Variants in NFKB1 observed in about 807,000 individuals in gnomAD.
NFKB1 encodes the protein nuclear factor kappa B subunit 1, also known as nuclear factor NF-kappa-B p105 subunit.
A neutral mutation model predicts 105.1 loss-of-function variants in NFKB1; 9 were observed. The ratio of observed to expected loss-of-function variants is 0.09; its 90% confidence interval spans 0.05 to 0.15. NFKB1 has a LOEUF of 0.15. Among genes scored for constraint, NFKB1 ranks in the 10% least tolerant of loss-of-function variants. NFKB1 has a pLI of 1.00. For missense variants in NFKB1, 830 were observed against 1,203.7 expected (o/e 0.69, Z 4.59); for synonymous variants, 440 against 442.2 (o/e 1.00, Z 0.06).
At chr4:102,506,120 G>A (rs751034234) in intron 1 of NFKB1, among the ~76,000 whole-genome samples, 22 of 152,096 alleles carry the variant, frequency 1.4e-4, no homozygotes, top group Non-Finnish European at 2.5e-4. Context: ...ATGCCTTTTA[G>A]TTTCAAAGTT....
chr4:102,516,486 C>A (rs865964576), intron 1 of NFKB1, among the ~76,000 whole-genome samples: 1 of 151,712 alleles, frequency 6.6e-6, no homozygotes, highest in Non-Finnish European at 1.5e-5. Flanking sequence ...TTTTTATTGA[C>A]CTTTCTTCTA....
At chr4:102,576,779 T>C in intron 6 of NFKB1, 97 bp from the exon 7 acceptor site, 9 of 1,249,704 alleles carry the variant, frequency 7.2e-6, no homozygotes, top group Non-Finnish European at 1.0e-5. Flanking sequence ...AGGGCCTGTG[T>C]ATTTTTTTTT....
At chr4:102,517,604 G>T (rs958889486) in intron 1 of NFKB1, among the ~76,000 whole-genome samples, 1 of 152,166 alleles carries the variant, frequency 6.6e-6, no homozygotes, top group Non-Finnish European at 1.5e-5. Flanking sequence ...GTAAAACTAT[G>T]CTGTCTAGTG....
rs372174091 is a variant in NFKB1 at position 102,609,158 on chromosome 4, C to CAAAAAAAAAAAAAAGAAAA, written c.2228-1405_2228-1404insAAGAAAAAAAAAAAAAAAA. Among the ~76,000 whole-genome samples the CAAAAAAAAAAAAAAGAAAA allele has an allele frequency of 1.6e-3, 159 of 97,302 alleles. 1 individual carries two copies. Among genetic ancestry groups the CAAAAAAAAAAAAAAGAAAA allele is most frequent in the Non-Finnish European group, 2.6e-3 (119 of 46,476 alleles). The allele number at this position is 97,302 out of a possible 152,430, so 63.8% of individuals were successfully genotyped here. On this transcript the variant is annotated intron_variant, in intron 19 of 23. Transcript: ENST00000226574. ...ATAGAATAAGAATAAGACCCTGTCT[C>CAAAAAAAAAAAAAAGAAAA]AAAAAAAAAAAAGAAAAAGAAAGAA...
intron 5 of NFKB1, among the ~76,000 whole-genome samples, chr4:102,557,384 C>T (rs1723064686): frequency 6.6e-6 from 1 of 152,178 alleles, no homozygotes; most frequent in South Asian, 2.1e-4. Flanking sequence ...CAGAGTCCCC[C>T]AGATGGTCAT....
chr4:102,538,836 GT>G lies in NFKB1; in HGVS notation c.258+881del. ...GCTTGGACAAAATAGTTCTCACTAT[GT>G]GTGTGTGCCCCTCAGGGTGTAACAT... is the stretch of plus-strand genomic sequence containing the variant. On this transcript the variant is annotated intron_variant, in intron 5 of 23. Transcript: ENST00000226574. Among the ~76,000 whole-genome samples the G allele has an allele frequency of 2.6e-5, 4 of 152,258 alleles. 1 individual carries two copies. In the Middle Eastern group the frequency reaches 0.014, roughly 518 times the overall value.
At position 102,616,479 on chromosome 4, in the gene NFKB1, C is replaced by T. The variant is rs1728952024; in HGVS notation, c.2795C>T (p.Thr932Ile). ...AGTGTCTGCGACAGCGGCGTGGAGA[C>T]ATCCTTCCGCAAACTCAGCTTTACC... ...SDSVCDSGVE[T>I]SFRKLSFTES... is the part of the protein sequence containing the mutation. Residue 932 changes from threonine (T) to isoleucine (I), a missense_variant, in exon 24 of 24, where the codon ACA becomes ATA. Around this residue, in one of 8 missense-constraint regions of NFKB1, gnomAD observed 418 missense variants for 575.3 expected, o/e 0.73. Coordinates refer to ENST00000226574, the MANE Select transcript of NFKB1 (RefSeq NM_003998.4). 1 of 1,614,012 alleles carries T rather than the reference C, an allele frequency of 6.2e-7. No individual in the cohort carries two copies. Among genetic ancestry groups the T allele is most frequent in the South Asian group, 1.1e-5 (1 of 91,066 alleles).
chr4:102,527,206 T>C (rs905705021), intron 2 of NFKB1, among the ~76,000 whole-genome samples: 2 of 152,196 alleles, frequency 1.3e-5, no homozygotes, highest in Non-Finnish European at 2.9e-5. Context: ...ATTGTTTTCA[T>C]ATGGTGATAT....
In NFKB1 at chr4:102,569,953, A is replaced by C. The variant is rs114125976; in HGVS notation, c.407+2818A>C. 7.5e-3 allele frequency among the ~76,000 whole-genome samples: 1,144 copies of C among 152,250 alleles called. 16 individuals are homozygous for C. The highest frequency in any genetic ancestry group is 8.9e-3 in the Non-Finnish European group (603 of 67,982). Reference sequence around the variant, plus strand: ...ACTGCCTTTCTTGGTAAAAAATAATAATAATAATCTTAGTTTGGTGTTTTA... The same window carrying C: ...ACTGCCTTTCTTGGTAAAAAATAATCATAATAATCTTAGTTTGGTGTTTTA... On this transcript the variant is annotated intron_variant, in intron 6 of 23. Coordinates refer to ENST00000226574, the MANE Select transcript of NFKB1 (RefSeq NM_003998.4).
chr4:102,584,139 A>G (rs1006604971), intron 10 of NFKB1, among the ~76,000 whole-genome samples: 6 of 152,190 alleles, frequency 3.9e-5, no homozygotes, highest in Admixed American at 2.0e-4. Context: ...TATATTTTAT[A>G]AGATCTTTAT....
chr4:102,503,736 A>G (rs754901592), intron 1 of NFKB1, among the ~76,000 whole-genome samples: 3 of 152,272 alleles, frequency 2.0e-5, no homozygotes, highest in African/African-American at 4.8e-5. Flanking sequence ...GATTGAGTTG[A>G]TTAAAGCACA....
rs1728517643 is a variant in NFKB1, at chr4:102,612,514, G to A, written c.2500G>A (p.Ala834Thr). Residue 834 changes from alanine (A) to threonine (T), a missense_variant, in exon 22 of 24, where the codon GCT becomes ACT. Ala to Thr is a moderately conservative substitution (Grantham distance 58). Coordinates refer to ENST00000226574, the MANE Select transcript of NFKB1 (RefSeq NM_003998.4). ...LEIPDPDKNW[A>T]TLAQKLGLGI... ...AATTCCTGATCCAGACAAAAACTGGGCTACTCTGGCGCAGAAATTAGGTCT... is the reference window on the plus strand; with the variant it reads ...AATTCCTGATCCAGACAAAAACTGGACTACTCTGGCGCAGAAATTAGGTCT... The A allele has an allele frequency of 6.2e-7, 1 of 1,613,886 alleles. No homozygotes were observed. Among genetic ancestry groups the A allele is most frequent in the Non-Finnish European group, 8.5e-7 (1 of 1,180,022 alleles).
chr4:102,576,767 T>C (rs942264834), intron 6 of NFKB1, 109 bp from the exon 7 acceptor site: 55 of 1,147,670 alleles, frequency 4.8e-5, no homozygotes, highest in Non-Finnish European at 6.3e-5. Flanking sequence ...TATAAAGCAT[T>C]GAGGGCCTGT....
intron 16 of NFKB1, among the ~76,000 whole-genome samples, chr4:102,604,054 T>G (rs1727456605): frequency 6.6e-6 from 1 of 152,218 alleles, no homozygotes. Flanking sequence ...ATATCATGTA[T>G]ATTCATAGTT....
intron 4 of NFKB1, among the ~76,000 whole-genome samples, chr4:102,536,014 C>G (rs1354792868): frequency 6.6e-6 from 1 of 151,984 alleles, no homozygotes; most frequent in East Asian, 1.9e-4. Flanking sequence ...TTAGAACATC[C>G]AGTTCTGTTG....
intron 3 of NFKB1, among the ~76,000 whole-genome samples, chr4:102,530,645 G>A (rs1196759870): frequency 6.6e-6 from 1 of 152,182 alleles, no homozygotes; most frequent in Non-Finnish European, 1.5e-5. Flanking sequence ...ACAGAGTTTG[G>A]TAATCGCTGA....
At chr4:102,505,881 T>C (rs1162822460) in intron 1 of NFKB1, among the ~76,000 whole-genome samples, 1 of 152,178 alleles carries the variant, frequency 6.6e-6, no homozygotes, top group Non-Finnish European at 1.5e-5. Context: ...TGCAAAATTT[T>C]TTTTTAAATG....
intron 1 of NFKB1, chr4:102,510,984 G>A (rs1175928788): frequency 7.8e-7 from 1 of 1,279,152 alleles, no homozygotes; most frequent in South Asian, 1.3e-5. Flanking sequence ...TAAAAAGTCA[G>A]CCTTTAAAAA....
Position 102,607,769 on chromosome 4 carries a change from C to T in NFKB1, c.2227+18C>T, listed in dbSNP as rs375361337. The T allele has an allele frequency of 1.2e-4, 191 of 1,607,522 alleles. 1 individual carries two copies. Among genetic ancestry groups the T allele is most frequent in the Middle Eastern group, 3.3e-4 (2 of 6,076 alleles). ...AGCAGCAGGTAAGATGGTGATCTGGCGGTCATTAATGAAAAATGTTACCAG... is the reference window on the plus strand; with the variant it reads ...AGCAGCAGGTAAGATGGTGATCTGGTGGTCATTAATGAAAAATGTTACCAG... On this transcript the variant is annotated intron_variant, in intron 19 of 23. Coordinates refer to ENST00000226574, the MANE Select transcript of NFKB1 (RefSeq NM_003998.4).
Sources: gnomAD v4.1 joint callset for allele counts (sites outside exome capture counted in the v4.1 genomes callset) on GRCh38, gnomAD v4.1.1 for gene constraint, gnomAD v4.1.1 regional missense constraint, MANE v1.5 for transcripts, NCBI Gene and HGNC (gene_info 2026-07-23, HGNC 2026-07-21) for gene names.